The following MYO3A variants were observed in gnomAD, a reference collection of about 807,000 sequenced individuals.
MYO3A encodes the protein myosin-IIIa.
MYO3A carries 180 observed loss-of-function variants against 192.7 expected under a neutral mutation model. The observed-to-expected ratio is 0.93, with a 90% CI of 0.83 to 1.06. The LOEUF (loss-of-function observed/expected upper bound fraction) is 1.06. MYO3A is among the 50% of genes least tolerant of loss of function. The pLI, the probability that MYO3A is intolerant of heterozygous loss-of-function variation, is 0.00. For synonymous variants in MYO3A, 628 were observed against 645.3 expected, an observed-to-expected ratio of 0.97 and a Z score of 0.41; for missense variants, 1,896 against 1,905.0, an observed-to-expected ratio of 1.00 and a Z score of 0.09.
At chr10:26,181,507 G>A (rs10508714) in intron 31 of MYO3A, among the ~76,000 whole-genome samples, 49,153 of 151,718 alleles carry the variant, frequency 0.32, 8,246 homozygotes, top group South Asian at 0.42. Flanking sequence ...TAAATCATTC[G>A]GAAAAATAGC....
At chr10:26,066,924 C>T in intron 10 of MYO3A, 51 bp from the exon 11 acceptor site, 1 of 1,327,706 alleles carries the variant, frequency 7.5e-7, no homozygotes, top group Non-Finnish European at 1.1e-6. Flanking sequence ...AAACTTTTTT[C>T]CACTATGAGC....
At chr10:26,120,253 C>T (rs546087148) in intron 17 of MYO3A, among the ~76,000 whole-genome samples, 5 of 152,020 alleles carry the variant, frequency 3.3e-5, no homozygotes, top group Non-Finnish European at 5.9e-5. Flanking sequence ...CTTTCTTAGT[C>T]CTCCTTTATT....
intron 14 of MYO3A, among the ~76,000 whole-genome samples, chr10:26,082,246 C>T (rs1836004489): frequency 6.6e-6 from 1 of 151,588 alleles, no homozygotes; most frequent in South Asian, 2.1e-4. Context: ...TTATTTGTGT[C>T]TTCCTCAACT....
At chr10:26,203,258 A>T in intron 34 of MYO3A, 151 bp downstream of exon 34, 4 of 930,072 alleles carry the variant, frequency 4.3e-6, no homozygotes, top group Non-Finnish European at 6.5e-6. Flanking sequence ...AAGTAATGTC[A>T]TGTACAGTGT....
chr10:26,176,549 T>G, intron 30 of MYO3A, 152 bp from the exon 31 acceptor site: 2 of 684,900 alleles, frequency 2.9e-6, no homozygotes, highest in Admixed American at 2.5e-5. Flanking sequence ...GTGAGAACTT[T>G]ATCAGACCTT....
At chr10:26,091,883 A>G (rs1250605624) in intron 15 of MYO3A, among the ~76,000 whole-genome samples, 1 of 152,208 alleles carries the variant, frequency 6.6e-6, no homozygotes, top group African/African-American at 2.4e-5. Flanking sequence ...ACACATATTT[A>G]TTGAGTGCCT....
intron 31 of MYO3A, among the ~76,000 whole-genome samples, chr10:26,192,902 G>A (rs1043698264): frequency 5.9e-5 from 9 of 151,998 alleles, no homozygotes; most frequent in African/African-American, 2.2e-4. Flanking sequence ...TGATCTGCCT[G>A]CCTCAGCCTC....
intron 4 of MYO3A, among the ~76,000 whole-genome samples, chr10:25,993,260 T>C (rs1012177754): frequency 1.3e-5 from 2 of 152,220 alleles, no homozygotes; most frequent in Admixed American, 1.3e-4. Context: ...GTCCAGGAAT[T>C]TATCCATTTA....
intron 31 of MYO3A, among the ~76,000 whole-genome samples, chr10:26,182,339 A>C (rs1468925718): frequency 6.6e-6 from 1 of 152,238 alleles, no homozygotes; most frequent in Non-Finnish European, 1.5e-5. Flanking sequence ...AGCCACTAAA[A>C]GTTTCTTTGA....
At chr10:26,166,284 A>G in intron 27 of MYO3A, 106 bp downstream of exon 27, 2 of 996,150 alleles carry the variant, frequency 2.0e-6, no homozygotes, top group Non-Finnish European at 3.1e-6. Flanking sequence ...ATGTTATAGA[A>G]TCTATAACTT....
At chr10:26,069,924 T>C (rs1013286509) in intron 12 of MYO3A, among the ~76,000 whole-genome samples, 187 bp from the exon 13 acceptor site, 11 of 152,074 alleles carry the variant, frequency 7.2e-5, no homozygotes, top group South Asian at 2.1e-4. Flanking sequence ...CAGGCTCTTA[T>C]TTTACATAGT....
intron 17 of MYO3A, among the ~76,000 whole-genome samples, chr10:26,106,056 C>G (rs1041945493): frequency 1.3e-5 from 2 of 152,008 alleles, no homozygotes; most frequent in Non-Finnish European, 2.9e-5. Context: ...TCTAGTAAGG[C>G]TATTCCTGCT....
chr10:26,114,119 C>T (rs758436864), intron 17 of MYO3A, among the ~76,000 whole-genome samples: 34 of 152,156 alleles, frequency 2.2e-4, no homozygotes, highest in Non-Finnish European at 2.2e-4. Context: ...CCCAGCCTGC[C>T]TCCCTGTCCT....
intron 32 of MYO3A, among the ~76,000 whole-genome samples, chr10:26,198,391 A>G (rs1843518408): frequency 1.3e-5 from 2 of 152,232 alleles, no homozygotes; most frequent in South Asian, 4.1e-4. Context: ...AGCATCAGCA[A>G]AAATGACTCA....
intron 17 of MYO3A, among the ~76,000 whole-genome samples, chr10:26,119,944 C>G (rs1838748993): frequency 1.3e-5 from 2 of 151,280 alleles, no homozygotes; most frequent in South Asian, 4.2e-4. Context: ...TCGCTTGAGC[C>G]CAGGAGTTCG....
intron 6 of MYO3A, among the ~76,000 whole-genome samples, chr10:26,007,497 G>C (rs185275253): frequency 1.3e-5 from 2 of 151,810 alleles, no homozygotes; most frequent in Admixed American, 6.6e-5. Flanking sequence ...CGTCTCAGCT[G>C]AAAATCTGCT....
intron 4 of MYO3A, among the ~76,000 whole-genome samples, chr10:25,962,372 G>A (rs934882004): frequency 2.0e-5 from 3 of 152,076 alleles, no homozygotes; most frequent in African/African-American, 7.2e-5. Context: ...CCTAGGTTTA[G>A]TAAAAGGGCA....
chr10:26,114,239 T>C (rs1838370160), intron 17 of MYO3A, among the ~76,000 whole-genome samples: 1 of 152,142 alleles, frequency 6.6e-6, no homozygotes, highest in African/African-American at 2.4e-5. Context: ...CCCACCTACT[T>C]TGAGATCTGG....
At position 25,947,896 on chromosome 10, in the gene MYO3A, C is replaced by G. The variant is rs183596235; in HGVS notation, c.-17-4198C>G. On this transcript the variant is annotated intron_variant, in intron 2 of 34. Transcript: ENST00000642920. Reference sequence around the variant, plus strand: ...GACAAACATTTCAGGCCTCAAGGGGCTTACATTCTGGTAGTGGAGAAAACA... The same window carrying G: ...GACAAACATTTCAGGCCTCAAGGGGGTTACATTCTGGTAGTGGAGAAAACA... 2.2e-3 allele frequency among the ~76,000 whole-genome samples: 342 copies of G among 152,176 alleles called. 2 individuals carry two copies. Among genetic ancestry groups the G allele is most frequent in the Non-Finnish European group, 3.1e-3 (214 of 68,008 alleles).
Sources: allele counts gnomAD v4.1 joint callset (sites outside exome capture counted in the v4.1 genomes callset), GRCh38; gene constraint gnomAD v4.1.1; transcripts MANE v1.5; gene names NCBI Gene and HGNC (gene_info 2026-07-23, HGNC 2026-07-21).